The following HS6ST3 variants were observed in gnomAD, a reference collection of about 807,000 sequenced individuals.
HS6ST3 encodes heparan sulfate 6-O-sulfotransferase 3.
A neutral mutation model predicts 36.7 loss-of-function variants in HS6ST3; 12 were observed. That is an observed-to-expected ratio of 0.33 (90% CI 0.21 to 0.53). The LOEUF (loss-of-function observed/expected upper bound fraction) is 0.53, where lower values mean the gene tolerates loss of function less well. Ranked by LOEUF, HS6ST3 falls within the 20% of genes least tolerant of loss-of-function variation. The pLI is 0.95. For synonymous variants in HS6ST3, 240 were observed against 257.5 expected (o/e 0.93, Z 0.65); for missense variants, 584 against 640.9 (o/e 0.91, Z 0.96).
Position 96,090,878 on chromosome 13 carries a change from A to G in HS6ST3, c.16A>G (p.Asn6Asp), listed in dbSNP as rs755841123. The change falls in exon 1 of 2, where the codon AAC (asparagine) becomes GAC (aspartate). Residue 6 changes from asparagine to aspartate, a missense_variant. By Grantham distance (23) the Asn-to-Asp change is conservative (BLOSUM62 1). This residue lies in a region of HS6ST3 where 217 missense variants were observed against 205.4 expected (regional missense o/e 1.06). Transcript: ENST00000376705. ...GAGCGGGACCATGGATGAAAGGTTCAACAAGTGGCTGCTGACGCCGGTGCT... is the reference window on the plus strand; with the variant it reads ...GAGCGGGACCATGGATGAAAGGTTCGACAAGTGGCTGCTGACGCCGGTGCT... MDERFNKWLLTPVLTL... is the reference protein window; with the variant it reads MDERFDKWLLTPVLTL... 1.3e-6 allele frequency: 2 copies of G among 1,512,388 alleles called. No individual in the cohort carries two copies. Among genetic ancestry groups the G allele is most frequent in the East Asian group, 2.9e-5 (1 of 34,880 alleles). 93.7% of individuals were successfully genotyped at this position (1,512,388 alleles called of 1,614,324 possible). A position where few individuals can be genotyped will look rare whatever the true frequency, so the allele number is the denominator to read the frequency against.
chr13:96,569,051 T>C (rs1183816466), intron 1 of HS6ST3, among the ~76,000 whole-genome samples: 1 of 152,268 alleles, frequency 6.6e-6, no homozygotes, highest in Non-Finnish European at 1.5e-5. Flanking sequence ...GTCTCTGTGT[T>C]GCTTTATGGC....
intron 1 of HS6ST3, among the ~76,000 whole-genome samples, chr13:96,335,344 T>G (rs1336935329): frequency 6.6e-6 from 1 of 152,182 alleles, no homozygotes; most frequent in African/African-American, 2.4e-5. Flanking sequence ...GATGGTATAT[T>G]TACTGACAAC....
chr13:96,515,586 G>A (rs904917293), intron 1 of HS6ST3, among the ~76,000 whole-genome samples: 2 of 152,068 alleles, frequency 1.3e-5, no homozygotes, highest in African/African-American at 2.4e-5. Context: ...GCTGTGGCCC[G>A]ACCCAAATCT....
At chr13:96,577,707 G>C (rs2056326894) in intron 1 of HS6ST3, among the ~76,000 whole-genome samples, 1 of 152,100 alleles carries the variant, frequency 6.6e-6, no homozygotes, top group African/African-American at 2.4e-5. Context: ...CTTCTCAAAA[G>C]AAGACATTTA....
At chr13:96,388,006 T>G (rs2055376988) in intron 1 of HS6ST3, among the ~76,000 whole-genome samples, 1 of 152,198 alleles carries the variant, frequency 6.6e-6, no homozygotes, top group African/African-American at 2.4e-5. Flanking sequence ...AAACAACGAT[T>G]TGGCCAACTT....
chr13:96,490,592 A>G (rs1417007389), intron 1 of HS6ST3, among the ~76,000 whole-genome samples: 4 of 152,220 alleles, frequency 2.6e-5, no homozygotes, highest in Non-Finnish European at 5.9e-5. Flanking sequence ...TTCTTAGGAC[A>G]TTTAAATGAC....
At chr13:96,446,721 A>G (rs914996408) in intron 1 of HS6ST3, among the ~76,000 whole-genome samples, 2 of 152,144 alleles carry the variant, frequency 1.3e-5, no homozygotes, top group Non-Finnish European at 2.9e-5. Context: ...GAATGTTCTC[A>G]ATTAACTTTT....
intron 1 of HS6ST3, among the ~76,000 whole-genome samples, chr13:96,454,391 G>A (rs1428563487): frequency 1.3e-5 from 2 of 152,094 alleles, no homozygotes; most frequent in Non-Finnish European, 2.9e-5. Context: ...AATGAAAAAT[G>A]TAGTACTATG....
intron 1 of HS6ST3, among the ~76,000 whole-genome samples, chr13:96,720,453 T>C (rs905744960): frequency 2.1e-4 from 32 of 152,288 alleles, no homozygotes; most frequent in African/African-American, 7.7e-4. Flanking sequence ...CCTTGGGTTT[T>C]GCACTAGCTT....
chr13:96,598,656 G>A (rs1043511114), intron 1 of HS6ST3, among the ~76,000 whole-genome samples: 1 of 152,066 alleles, frequency 6.6e-6, no homozygotes, highest in African/African-American at 2.4e-5. Context: ...CAATTTGGAT[G>A]TCCTTTATTT....
chr13:96,332,429 C>G (rs190450885), intron 1 of HS6ST3, among the ~76,000 whole-genome samples: 7 of 152,250 alleles, frequency 4.6e-5, no homozygotes, highest in Admixed American at 2.6e-4. Context: ...ATCTGTAAAA[C>G]TCTAACAATC....
intron 1 of HS6ST3, among the ~76,000 whole-genome samples, chr13:96,622,742 T>A (rs569338225): frequency 1.3e-5 from 2 of 152,236 alleles, no homozygotes; most frequent in African/African-American, 2.4e-5. Context: ...TTCATCCTAA[T>A]GCTATTCTTT....
At chr13:96,781,976 A>G (rs1877538634) in intron 1 of HS6ST3, among the ~76,000 whole-genome samples, 1 of 152,220 alleles carries the variant, frequency 6.6e-6, no homozygotes, top group South Asian at 2.1e-4. Context: ...TGTTCCCCCC[A>G]AATTATATCA....
At chr13:96,497,288 A>G (rs1482698084) in intron 1 of HS6ST3, among the ~76,000 whole-genome samples, 2 of 152,108 alleles carry the variant, frequency 1.3e-5, no homozygotes, top group Non-Finnish European at 2.9e-5. Context: ...TGCATTGGTG[A>G]ATTCTGACCC....
In HS6ST3 at chr13:96,514,831, CTG is replaced by C. The variant is rs1356469630; in HGVS notation, c.708-317657_708-317656del. 2.6e-5 allele frequency among the ~76,000 whole-genome samples: 4 copies of C among 152,152 alleles called. No individual in the cohort carries two copies. The East Asian group carries it at 7.7e-4, about 29-fold the overall frequency. ...TCTTGAAGAGGAGTTATTCATCAAA[CTG>C]TTTGACTTTTGACAAGTTAAATTTA... is the stretch of plus-strand genomic sequence containing the variant. On this transcript the variant is annotated intron_variant, in intron 1 of 1. Coordinates refer to ENST00000376705, the MANE Select transcript of HS6ST3 (RefSeq NM_153456.4).
At chr13:96,305,480 T>C (rs1010098180) in intron 1 of HS6ST3, among the ~76,000 whole-genome samples, 7 of 152,200 alleles carry the variant, frequency 4.6e-5, no homozygotes, top group African/African-American at 4.8e-5. Context: ...GCACAAATTA[T>C]ACAATTTATG....
chr13:96,336,344 A>G lies in HS6ST3; in HGVS notation c.707+244775A>G, dbSNP rs577725518. Among the ~76,000 whole-genome samples the G allele has an allele frequency of 5.3e-5, 8 of 152,240 alleles. 1 individual carries two copies. Among genetic ancestry groups the G allele is most frequent in the Admixed American group, 2.6e-4 (4 of 15,296 alleles). ...GAGTTTTCCATTTTAGGTATTATCT[A>G]CTGACTTATTGGTTGTCATGGGCTG... On this transcript the variant is annotated intron_variant, in intron 1 of 1. Transcript: ENST00000376705.
At chr13:96,635,586 C>T (rs1246854738) in intron 1 of HS6ST3, among the ~76,000 whole-genome samples, 1 of 152,136 alleles carries the variant, frequency 6.6e-6, no homozygotes, top group Admixed American at 6.6e-5. Context: ...GGGCATAGCT[C>T]TATATAACCT....
intron 1 of HS6ST3, among the ~76,000 whole-genome samples, chr13:96,641,193 C>T (rs79476355): frequency 0.026 from 3,988 of 151,858 alleles, 98 homozygotes; most frequent in Non-Finnish European, 0.037. Flanking sequence ...GATTTTATTT[C>T]ATCAGCATTT....
Sources: allele counts gnomAD v4.1 joint callset (sites outside exome capture counted in the v4.1 genomes callset), GRCh38; gene constraint gnomAD v4.1.1; regional missense constraint gnomAD v4.1.1; transcripts MANE v1.5; gene names NCBI Gene and HGNC (gene_info 2026-07-23, HGNC 2026-07-21).